The following ST3GAL4 variants were observed in gnomAD, a reference collection of about 807,000 sequenced individuals.
The protein encoded by ST3GAL4 is CMP-N-acetylneuraminate-beta-galactosamide-alpha-2,3-sialyltransferase 4.
ST3GAL4 carries 24 observed loss-of-function variants against 42.6 expected under a neutral mutation model. The ratio of observed to expected loss-of-function variants is 0.56; its 90% CI spans 0.41 to 0.79. The LOEUF is 0.79. Ranked by LOEUF, ST3GAL4 falls within the 30% of genes least tolerant of loss-of-function variation. ST3GAL4 has a pLI of 0.00. For missense variants in ST3GAL4, 311 were observed against 430.8 expected (o/e 0.72, Z 2.46); for synonymous variants, 135 against 163.2 (o/e 0.83, Z 1.32).
intron 1 of ST3GAL4, among the ~76,000 whole-genome samples, chr11:126,380,406 A>C (rs1008356031): frequency 6.6e-6 from 1 of 152,204 alleles, no homozygotes; most frequent in Non-Finnish European, 1.5e-5. Flanking sequence ...GTCACATCAG[A>C]GCCACCAGTA....
chr11:126,372,802 C>T (rs629882), intron 1 of ST3GAL4, among the ~76,000 whole-genome samples: 132,300 of 152,290 alleles, frequency 0.87, 58,159 homozygotes, highest in African/African-American at 0.96. Context: ...TTCCATTGTA[C>T]GCATAGATCA....
rs1954257971 is a variant in ST3GAL4 at position 126,406,864 on chromosome 11, G to A, written c.102-79G>A. 2 of 1,334,036 alleles carry A rather than the reference G, an allele frequency of 1.5e-6. No homozygotes were observed. The allele number at this position is 1,334,036 out of a possible 1,614,324, so 82.6% of individuals were successfully genotyped here. A position where few individuals can be genotyped will look rare whatever the true frequency, so the allele number is the denominator to read the frequency against. On this transcript the variant is annotated intron_variant, in intron 3 of 10. Transcript: ENST00000444328. This position sits in a 1 kb window ranked among gnomAD's most constrained non-coding sequence, Gnocchi z 5.4. ...GGCACCTTGGGACCTTCATGCCGTG[G>A]GAGAAGGCTTAGGCTGCCTGGAACA...
At position 126,396,693 on chromosome 11, in the gene ST3GAL4, G is replaced by A. The variant is rs1454435191; in HGVS notation, c.-60-9403G>A. On this transcript the variant is annotated intron_variant, in intron 1 of 10. Transcript: ENST00000444328. This position sits in a 1 kb window ranked among gnomAD's most constrained non-coding sequence, Gnocchi z 5.8. ...GGGGATCGTGGAGTCTAGGGAGCCAGTCTGCACGGGATGGTTTTAGAAGCC... is the reference window on the plus strand; with the variant it reads ...GGGGATCGTGGAGTCTAGGGAGCCAATCTGCACGGGATGGTTTTAGAAGCC... 2.6e-5 allele frequency among the ~76,000 whole-genome samples: 4 copies of A among 151,208 alleles called. No homozygotes were observed. Among genetic ancestry groups the A allele is most frequent in the Non-Finnish European group, 5.9e-5 (4 of 67,900 alleles).
At chr11:126,395,724 C>T (rs1953721159) in intron 1 of ST3GAL4, among the ~76,000 whole-genome samples, 1 of 152,302 alleles carries the variant, frequency 6.6e-6, no homozygotes. Context: ...TTCTTGCCTG[C>T]TGCCATGTAA....
intron 1 of ST3GAL4, among the ~76,000 whole-genome samples, chr11:126,367,983 A>G (rs1448303735): frequency 6.6e-6 from 1 of 151,954 alleles, no homozygotes; most frequent in Non-Finnish European, 1.5e-5. Context: ...CCCCATCTCT[A>G]CTAAAAGTAC....
intron 1 of ST3GAL4, among the ~76,000 whole-genome samples, chr11:126,390,327 G>GTT (rs778180070): frequency 6.7e-6 from 1 of 148,418 alleles, no homozygotes; most frequent in Admixed American, 6.7e-5. Context: ...TTTCCAGTTT[G>GTT]TTTGTTTTTT....
chr11:126,357,440 A>G (rs1043351963), intron 1 of ST3GAL4, among the ~76,000 whole-genome samples: 64 of 152,166 alleles, frequency 4.2e-4, no homozygotes, highest in African/African-American at 1.4e-3. Context: ...TAGCTTGGGG[A>G]TGGGTTGTTG....
At chr11:126,395,701 T>C (rs1953719110) in intron 1 of ST3GAL4, among the ~76,000 whole-genome samples, 1 of 152,220 alleles carries the variant, frequency 6.6e-6, no homozygotes, top group Non-Finnish European at 1.5e-5. Context: ...CCTTTTCACG[T>C]GGCTGTCCTT....
intron 1 of ST3GAL4, among the ~76,000 whole-genome samples, chr11:126,399,669 A>G (rs1329042399): frequency 6.6e-6 from 1 of 152,132 alleles, no homozygotes; most frequent in Non-Finnish European, 1.5e-5. Context: ...TACAGTATAC[A>G]GTTAAAATAA....
At chr11:126,395,903 G>C (rs1321208601) in intron 1 of ST3GAL4, among the ~76,000 whole-genome samples, 1 of 152,144 alleles carries the variant, frequency 6.6e-6, no homozygotes, top group Non-Finnish European at 1.5e-5. Flanking sequence ...AGTTGGCAAG[G>C]AGGGAGGAGG....
rs554022194 is a variant in ST3GAL4 at position 126,376,219 on chromosome 11, A to T, written c.-61+20377A>T. On this transcript the variant is annotated intron_variant, in intron 1 of 10. Transcript: ENST00000444328. The surrounding 1 kb of genome is among the most constrained non-coding windows in gnomAD (Gnocchi z 5.1). Reference sequence around the variant, plus strand: ...TGTCTTCAGTTTCAGAGGTCCCAGGATAGTGGGCAATATTTGAAAGCCAGT... The same window carrying T: ...TGTCTTCAGTTTCAGAGGTCCCAGGTTAGTGGGCAATATTTGAAAGCCAGT... Among the ~76,000 whole-genome samples, 6 of 152,324 alleles carry T rather than the reference A, an allele frequency of 3.9e-5. No homozygotes were observed. The East Asian group carries it at 1.2e-3, about 29-fold the overall frequency.
chr11:126,371,768 G>A (rs1952658581), intron 1 of ST3GAL4, among the ~76,000 whole-genome samples: 1 of 152,240 alleles, frequency 6.6e-6, no homozygotes, highest in African/African-American at 2.4e-5. Context: ...GTACAAGGGA[G>A]GGTTACTCGG....
chr11:126,402,598 G>A (rs995225318), intron 1 of ST3GAL4, among the ~76,000 whole-genome samples: 14 of 152,080 alleles, frequency 9.2e-5, no homozygotes, highest in African/African-American at 3.4e-4. Context: ...AAGCCATATC[G>A]CTTTTATGGG....
intron 1 of ST3GAL4, among the ~76,000 whole-genome samples, chr11:126,370,177 G>C (rs527655168): frequency 1.3e-5 from 2 of 152,274 alleles, no homozygotes; most frequent in Non-Finnish European, 2.9e-5. Context: ...CGGAAGCCCC[G>C]GGGTAAAGGG....
rs1353674256 is a variant in ST3GAL4, at chr11:126,407,193, A to G, written c.183-59A>G. ...TAATATTAGTCATGGGCCTAACCCT[A>G]CTTCTGGCATCAAGATTAATTCTGT... On this transcript the variant is annotated intron_variant, in intron 4 of 10. Coordinates refer to ENST00000444328, the MANE Select transcript of ST3GAL4 (RefSeq NM_001254757.2). 7 of 1,580,560 alleles carry G rather than the reference A, an allele frequency of 4.4e-6. No homozygotes were observed. In the African/African-American group the frequency reaches 9.4e-5, roughly 21 times the overall value.
At position 126,408,196 on chromosome 11, in the gene ST3GAL4, T is replaced by G; in HGVS notation, c.437+2T>G. On this transcript the variant is annotated splice_donor_variant, in intron 7 of 10. Transcript: ENST00000444328. LOFTEE classifies it high-confidence loss of function. ...CAACAAGTACGATGTGGTCATCAGG[T>G]GTGTGTGACTGTCTCTTCCTACTGT... 1 of 1,613,736 alleles carries G rather than the reference T, an allele frequency of 6.2e-7. No individual in the cohort carries two copies. Among genetic ancestry groups the G allele is most frequent in the Non-Finnish European group, 8.5e-7 (1 of 1,179,758 alleles).
At position 126,407,627 on chromosome 11, in the gene ST3GAL4, A is replaced by G. The variant is rs1295753742; in HGVS notation, c.334A>G (p.Ile112Val). The G allele has an allele frequency of 1.2e-6, 2 of 1,614,006 alleles. No individual in the cohort carries two copies. Among genetic ancestry groups the G allele is most frequent in the Non-Finnish European group, 1.7e-6 (2 of 1,179,988 alleles). The change falls in exon 6 of 11, where the codon ATC (isoleucine) becomes GTC (valine). Residue 112 changes from isoleucine to valine, a missense_variant. Transcript: ENST00000444328. ...AITSSSIPKNIQSLRCRRCVV... is the reference protein window; with the variant it reads ...AITSSSIPKNVQSLRCRRCVV... ...CACCAGCTCCTCCATCCCCAAGAACATCCAGAGGTAAGGCGGCACTCCGAC... is the reference window on the plus strand; with the variant it reads ...CACCAGCTCCTCCATCCCCAAGAACGTCCAGAGGTAAGGCGGCACTCCGAC...
chr11:126,364,647 T>C (rs969030108), intron 1 of ST3GAL4, among the ~76,000 whole-genome samples: 5 of 146,944 alleles, frequency 3.4e-5, no homozygotes, highest in Non-Finnish European at 6.0e-5. Flanking sequence ...CCCTCACTCC[T>C]GGCTTCCATT....
At position 126,410,038 on chromosome 11, in the gene ST3GAL4, G is replaced by C. The variant is rs1229869596; in HGVS notation, c.771+627G>C. On this transcript the variant is annotated intron_variant, in intron 9 of 10. Coordinates refer to ENST00000444328, the MANE Select transcript of ST3GAL4 (RefSeq NM_001254757.2). This position sits in a 1 kb window ranked among gnomAD's most constrained non-coding sequence, Gnocchi z 5.3. ...CTGCCTCAGCCTCCTGAGTAGCTGT[G>C]AGACTACAGGTATGCACCATCACGC... Among the ~76,000 whole-genome samples, 1 of 152,158 alleles carries C rather than the reference G, an allele frequency of 6.6e-6. No individual in the cohort carries two copies. The highest frequency in any genetic ancestry group is 1.5e-5 in the Non-Finnish European group (1 of 68,028).
Sources: allele counts gnomAD v4.1 joint callset (sites outside exome capture counted in the v4.1 genomes callset), GRCh38; gene constraint gnomAD v4.1.1; non-coding constraint Gnocchi (gnomAD v3.1); transcripts MANE v1.5; gene names NCBI Gene and HGNC (gene_info 2026-07-23, HGNC 2026-07-21).